Variants in TOX4 observed in about 807,000 individuals in gnomAD.
TOX4 encodes the protein TOX high mobility group box family member 4, also known as epidermal Langerhans cell protein LCP1.
TOX4 carries 12 observed loss-of-function variants against 61.0 expected under a neutral mutation model. The observed-to-expected ratio is 0.20, with a 90% CI of 0.13 to 0.32. TOX4 has a LOEUF of 0.32. Among genes scored for constraint, TOX4 ranks in the 10% least tolerant of loss-of-function variants. The probability of loss-of-function intolerance (pLI) is 1.00; values close to 1 mark genes in which losing one functional copy is unlikely to be tolerated. For missense variants in TOX4, 499 were observed against 753.3 expected (o/e 0.66, Z 3.95); for synonymous variants, 268 against 274.8 (o/e 0.98, Z 0.24).
intron 7 of TOX4, 57 bp downstream of exon 7, chr14:21,493,314 T>C (rs565313019): frequency 6.5e-7 from 1 of 1,528,572 alleles, no homozygotes; most frequent in Non-Finnish European, 8.8e-7. Context: ...ATGTTTTTGG[T>C]TGACCCAATA....
At position 21,489,304 on chromosome 14, in the gene TOX4, A is replaced by G; in HGVS notation, c.711A>G (p.Thr237=). 2.5e-6 allele frequency: 4 copies of G among 1,614,198 alleles called. No homozygotes were observed. The highest frequency in any genetic ancestry group is 3.4e-6 in the Non-Finnish European group (4 of 1,180,034). ...CATATGCTTTATTCTTTCGTGATAC[A>G]CAGGCTGCCATCAAGGGACAGAATC... ...VSAYALFFRD[T]QAAIKGQNPN... Residue 237 remains threonine (T), a synonymous_variant, in exon 5 of 9, where the codon ACA becomes ACG. Transcript: ENST00000448790.
chr14:21,489,062 G>T (rs1162307419), intron 4 of TOX4, 111 bp from the exon 5 acceptor site: 4 of 1,291,386 alleles, frequency 3.1e-6, no homozygotes, highest in African/African-American at 1.5e-5. Context: ...GTCTTTTAAT[G>T]CTATTTCTAT....
chr14:21,490,977 C>T (rs1566483788), intron 5 of TOX4, among the ~76,000 whole-genome samples: 1 of 152,132 alleles, frequency 6.6e-6, no homozygotes, highest in South Asian at 2.1e-4. Context: ...CGGCATGTGC[C>T]GCCACACCCA....
chr14:21,482,500 GTTCTC>G lies in TOX4; in HGVS notation c.75+4939_75+4943del, dbSNP rs1047545654. On this transcript the variant is annotated intron_variant, in intron 2 of 8. Transcript: ENST00000448790. The stretch of plus-strand genomic sequence containing the variant: ...GGGAAATGGTATTTTTGATTTTTTG[GTTCTC>G]TTGATATTTAAGCATCTTTGCTTAT... 4.1e-4 allele frequency: 181 copies of G among 439,072 alleles called. 2 individuals carry two copies. Among genetic ancestry groups the G allele is most frequent in the African/African-American group, 2.8e-3 (135 of 48,044 alleles). 27.2% of individuals were successfully genotyped at this position (439,072 alleles called of 1,614,324 possible).
intron 8 of TOX4, 83 bp from the exon 9 acceptor site, chr14:21,496,461 GTC>G (rs1891404825): frequency 7.9e-7 from 1 of 1,271,208 alleles, no homozygotes; most frequent in African/African-American, 1.5e-5. Flanking sequence ...CATGAGGTCC[GTC>G]TCAAAAAAAA....
intron 2 of TOX4, chr14:21,482,577 T>C (rs997833998): frequency 2.1e-6 from 1 of 470,048 alleles, no homozygotes; most frequent in South Asian, 1.6e-5. Flanking sequence ...GGCCCAGGAA[T>C]TGAACAAAGG....
At chr14:21,494,767 AAATT>A (rs1170598804) in intron 7 of TOX4, among the ~76,000 whole-genome samples, 2 of 128,650 alleles carry the variant, frequency 1.6e-5, no homozygotes, top group Non-Finnish European at 3.4e-5. Flanking sequence ...AAAAAAAAAA[AAATT>A]AGCTGGGCAC....
At chr14:21,477,370 C>T (rs1891011818) in intron 1 of TOX4, 86 bp downstream of exon 1, 6 of 1,612,852 alleles carry the variant, frequency 3.7e-6, no homozygotes, top group African/African-American at 1.3e-5. Flanking sequence ...GGAGAGGCGA[C>T]TGACGGGAGA....
rs1412857819 is a variant in TOX4 at position 21,498,724 on chromosome 14, A to G, written c.*2118A>G. ...ATGTAATTATTGACAGATTAAATAG[A>G]TAACTTCGTAACCACCAGGGGGCAG... On this transcript the variant is annotated 3_prime_UTR_variant, in exon 9 of 9. Coordinates refer to ENST00000448790, the MANE Select transcript of TOX4 (RefSeq NM_014828.4). The G allele has an allele frequency of 2.2e-6, 1 of 460,816 alleles. No individual in the cohort carries two copies. Among genetic ancestry groups the G allele is most frequent in the Non-Finnish European group, 3.9e-6 (1 of 258,112 alleles). The allele number at this position is 460,816 out of a possible 1,614,324, so 28.5% of individuals were successfully genotyped here.
chr14:21,493,918 T>G (rs1054409122), intron 7 of TOX4, among the ~76,000 whole-genome samples: 11 of 152,044 alleles, frequency 7.2e-5, no homozygotes, highest in Admixed American at 7.2e-4. Flanking sequence ...CCCAGCTAAT[T>G]TTTTGTATTT....
chr14:21,477,460 C>T (rs556170405), intron 1 of TOX4, 36 bp from the exon 2 acceptor site: 1 of 1,612,718 alleles, frequency 6.2e-7, no homozygotes, highest in South Asian at 1.1e-5. Context: ...CCCTGCTCCC[C>T]CTAACTTATC....
chr14:21,493,207 G>C lies in TOX4; in HGVS notation c.1591G>C (p.Ala531Pro). The C allele has an allele frequency of 6.2e-7, 1 of 1,614,004 alleles. No homozygotes were observed. Among genetic ancestry groups the C allele is most frequent in the Non-Finnish European group, 8.5e-7 (1 of 1,179,976 alleles). ...NNSPEAHTVEAPSPETICEMI... is the reference protein window; with the variant it reads ...NNSPEAHTVEPPSPETICEMI... ...CAGCCCTGAGGCCCATACAGTGGAG[G>C]CACCTTCTCCTGAGACTATCTGTGA... The change falls in exon 7 of 9, where the codon GCA becomes CCA. Residue 531 changes from alanine (A) to proline (P), a missense_variant. Physicochemically the swap from Ala to Pro is conservative, Grantham distance 27. Transcript: ENST00000448790.
At chr14:21,493,804 G>A (rs1165305765) in intron 7 of TOX4, among the ~76,000 whole-genome samples, 1 of 151,650 alleles carries the variant, frequency 6.6e-6, no homozygotes, top group East Asian at 1.9e-4. Context: ...GGGCTGGAGT[G>A]CAGTGGTGTA....
intron 2 of TOX4, among the ~76,000 whole-genome samples, chr14:21,478,488 A>C (rs922326027): frequency 6.8e-6 from 1 of 147,386 alleles, no homozygotes; most frequent in African/African-American, 2.5e-5. Context: ...AGTAAAGGTT[A>C]TGATGAAACC....
rs1891333803 is a variant in TOX4, at chr14:21,493,270, T to C, written c.1641+13T>C. ...TGTAGTTCCTGAGGTGAGCCTTTGT[T>C]TTTAAGTCTTTAGTCTAGTGGAAAT... On this transcript the variant is annotated intron_variant, in intron 7 of 8. Coordinates refer to ENST00000448790, the MANE Select transcript of TOX4 (RefSeq NM_014828.4). 1 of 1,589,770 alleles carries C rather than the reference T, an allele frequency of 6.3e-7. No individual in the cohort carries two copies. Among genetic ancestry groups the C allele is most frequent in the African/African-American group, 1.4e-5 (1 of 73,738 alleles).
intron 7 of TOX4, 41 bp downstream of exon 7, chr14:21,493,298 A>G: frequency 1.3e-6 from 2 of 1,544,706 alleles, no homozygotes; most frequent in Non-Finnish European, 8.7e-7. Flanking sequence ...GTGGAAATGT[A>G]TAAAAATGTT....
rs868528917 is a variant in TOX4, at chr14:21,498,746, G to A, written c.*2140G>A. The A allele has an allele frequency of 4.2e-6, 2 of 471,408 alleles. No individual in the cohort carries two copies. Among genetic ancestry groups the A allele is most frequent in the East Asian group, 7.4e-5 (2 of 27,068 alleles). 29.2% of individuals were successfully genotyped at this position (471,408 alleles called of 1,614,324 possible). A position where few individuals can be genotyped will look rare whatever the true frequency, so the allele number is the denominator to read the frequency against. On this transcript the variant is annotated 3_prime_UTR_variant, in exon 9 of 9. Coordinates refer to ENST00000448790, the MANE Select transcript of TOX4 (RefSeq NM_014828.4). ...TAGATAACTTCGTAACCACCAGGGG[G>A]CAGATTCAATACATCACAGAATGGC...
In TOX4 at chr14:21,487,679, G is replaced by A. The variant is rs948034652; in HGVS notation, c.304G>A (p.Gly102Arg). 2 of 1,612,264 alleles carry A rather than the reference G, an allele frequency of 1.2e-6. No homozygotes were observed. Among genetic ancestry groups the A allele is most frequent in the African/African-American group, 2.7e-5 (2 of 74,888 alleles). The change falls in exon 3 of 9, where the codon GGG becomes AGG. Residue 102 changes from glycine (G) to arginine (R), a missense_variant. By Grantham distance (125) the Gly-to-Arg change is moderately radical (BLOSUM62 -2). Coordinates refer to ENST00000448790, the MANE Select transcript of TOX4 (RefSeq NM_014828.4). ...LMEQGGGLLS[G>R]GLTMDLDHSI... ...GGAGCAGGGCGGGGGGCTCCTGAGT[G>A]GGGGCTTGACCATGGTAAGGGGCAA... is the stretch of plus-strand genomic sequence containing the variant.
rs765194178 is a variant in TOX4, at chr14:21,492,277, T to A, written c.811-19T>A. ...GTATGGGGAGTTTTGTTTTTTTTTTTAAAGTCTCTTTTTTGCAGGTATATA... is the reference window on the plus strand; with the variant it reads ...GTATGGGGAGTTTTGTTTTTTTTTTAAAAGTCTCTTTTTTGCAGGTATATA... On this transcript the variant is annotated intron_variant, in intron 5 of 8. Coordinates refer to ENST00000448790, the MANE Select transcript of TOX4 (RefSeq NM_014828.4). The A allele has an allele frequency of 6.3e-6, 10 of 1,587,994 alleles. No individual in the cohort carries two copies. Among genetic ancestry groups the A allele is most frequent in the South Asian group, 1.2e-5 (1 of 86,222 alleles).
Sources: gnomAD v4.1 joint callset for allele counts (sites outside exome capture counted in the v4.1 genomes callset) on GRCh38, gnomAD v4.1.1 for gene constraint, MANE v1.5 for transcripts, NCBI Gene and HGNC (gene_info 2026-07-23, HGNC 2026-07-21) for gene names.